PDCL2: variants seen among roughly 807,000 people sequenced by gnomAD.
The protein encoded by PDCL2 is phosducin-like protein 2.
In PDCL2, 23 loss-of-function variants were observed where a neutral mutation model predicts 30.3. The observed-to-expected ratio is 0.76, with a 90% CI of 0.55 to 1.08. The LOEUF (loss-of-function observed/expected upper bound fraction) is 1.08, where lower values mean the gene tolerates loss of function less well. Ranked by LOEUF, PDCL2 falls within the 50% of genes least tolerant of loss-of-function variation. The pLI is 0.00. For synonymous variants in PDCL2, 68 were observed against 86.2 expected (o/e 0.79, Z 1.17); for missense variants, 243 against 282.3 (o/e 0.86, Z 1.00).
chr4:55,584,690 C>T (rs1202627757), intron 1 of PDCL2, among the ~76,000 whole-genome samples: 1 of 152,156 alleles, frequency 6.6e-6, no homozygotes, highest in African/African-American at 2.4e-5. Context: ...CAAACAGCAA[C>T]AATTTCACTA....
intron 1 of PDCL2, 105 bp downstream of exon 1, chr4:55,591,999 A>C: frequency 2.1e-6 from 3 of 1,460,652 alleles, no homozygotes; most frequent in Admixed American, 2.1e-5. Context: ...CAAATGTTAG[A>C]GCCTACCTCC....
intron 1 of PDCL2, among the ~76,000 whole-genome samples, chr4:55,591,230 A>T (rs767304505): frequency 3.9e-5 from 6 of 152,146 alleles, no homozygotes; most frequent in Non-Finnish European, 8.8e-5. Flanking sequence ...AGTGGTTTTA[A>T]TCTGCAGGAG....
intron 5 of PDCL2, among the ~76,000 whole-genome samples, 151 bp from the exon 6 acceptor site, chr4:55,556,862 C>T (rs1248955468): frequency 1.3e-5 from 2 of 151,692 alleles, no homozygotes; most frequent in Non-Finnish European, 2.9e-5. Flanking sequence ...GAGACAGAGT[C>T]TCCCTCTGTC....
At chr4:55,591,917 A>G (rs1312365072) in intron 1 of PDCL2, among the ~76,000 whole-genome samples, 187 bp downstream of exon 1, 1 of 152,230 alleles carries the variant, frequency 6.6e-6, no homozygotes. Context: ...AGGCTGAAAA[A>G]ATGGCGTTCT....
At chr4:55,558,634 C>G (rs1244671062) in intron 5 of PDCL2, among the ~76,000 whole-genome samples, 2 of 152,130 alleles carry the variant, frequency 1.3e-5, no homozygotes, top group Non-Finnish European at 2.9e-5. Flanking sequence ...TATTCAAGAC[C>G]TAAGCTCAAA....
chr4:55,575,092 C>T (rs1377941615), intron 3 of PDCL2, among the ~76,000 whole-genome samples: 1 of 152,188 alleles, frequency 6.6e-6, no homozygotes, highest in Non-Finnish European at 1.5e-5. Context: ...TTGAAGTAGT[C>T]TCCCAATGTG....
At chr4:55,573,809 T>C (rs1458347258) in intron 3 of PDCL2, among the ~76,000 whole-genome samples, 1 of 151,816 alleles carries the variant, frequency 6.6e-6, no homozygotes, top group Non-Finnish European at 1.5e-5. Flanking sequence ...TTTCTCATAA[T>C]AGTAACTTTT....
chr4:55,590,195 T>TTAA (rs1560506869), intron 1 of PDCL2, among the ~76,000 whole-genome samples: 1 of 2,970 alleles, frequency 3.4e-4, no homozygotes, highest in African/African-American at 6.7e-4. Flanking sequence ...AGGCTCTGTC[T>TTAA]CAAAAAAAAA....
At position 55,582,139 on chromosome 4, in the gene PDCL2, TA is replaced by T; in HGVS notation, c.104del (p.Leu35TyrfsTer9). ...TACCCATTGCTTCTTTCTGTAAACG[TA>T]AAACCATTTCTTCAATTTCATCTTT... ...ESKDEIEEMV[L>X]RLQKEAMVKP... is the part of the protein sequence containing the mutation. On this transcript the variant is annotated frameshift_variant, in exon 2 of 6. Transcript: ENST00000295645. LOFTEE classifies it high-confidence loss of function. 6.2e-7 allele frequency: 1 copy of T among 1,613,284 alleles called. No homozygotes were observed. Among genetic ancestry groups the T allele is most frequent in the Non-Finnish European group, 8.5e-7 (1 of 1,179,722 alleles).
chr4:55,582,966 C>CTTTTA (rs938980941), intron 1 of PDCL2, among the ~76,000 whole-genome samples: 2 of 151,854 alleles, frequency 1.3e-5, no homozygotes, highest in African/African-American at 2.4e-5. Flanking sequence ...ATAGTATTCC[C>CTTTTA]TTTTATTTTA....
intron 4 of PDCL2, among the ~76,000 whole-genome samples, chr4:55,567,591 C>G (rs960286370): frequency 6.6e-6 from 1 of 152,170 alleles, no homozygotes; most frequent in Non-Finnish European, 1.5e-5. Context: ...GTATTCATCT[C>G]TTGAAACTGC....
At chr4:55,558,181 G>T (rs1732028890) in intron 5 of PDCL2, among the ~76,000 whole-genome samples, 1 of 151,306 alleles carries the variant, frequency 6.6e-6, no homozygotes, top group African/African-American at 2.4e-5. Flanking sequence ...TGAAACAATT[G>T]CATTTTCTTA....
chr4:55,574,247 G>A lies in PDCL2; in HGVS notation c.219-4386C>T, dbSNP rs369810331. Among the ~76,000 whole-genome samples, 201 of 152,144 alleles carry A rather than the reference G, an allele frequency of 1.3e-3. 3 individuals are homozygous for A. In the South Asian group the frequency reaches 0.039, roughly 30 times the overall value. On this transcript the variant is annotated intron_variant, in intron 3 of 5. Transcript: ENST00000295645. ...TAAAAGAATTTCTATTTATGGTATC[G>A]CTCTTTAATCTCTGTGGTAGAGACA...
chr4:55,562,312 A>T, intron 5 of PDCL2, 92 bp downstream of exon 5: 1 of 800,738 alleles, frequency 1.2e-6, no homozygotes, highest in Non-Finnish European at 1.8e-6. Context: ...CAAGGAAAAA[A>T]CCTTGGTACT....
chr4:55,562,469 T>C lies in PDCL2; in HGVS notation c.506A>G (p.Asn169Ser), dbSNP rs1275285047. 1.9e-5 allele frequency: 30 copies of C among 1,550,488 alleles called. No individual in the cohort carries two copies. The highest frequency in any genetic ancestry group is 2.2e-5 in the Non-Finnish European group (25 of 1,149,196). The change falls in exon 5 of 6, where the codon AAT (asparagine) becomes AGT (serine). Residue 169 changes from asparagine to serine, a missense_variant. Physicochemically the swap from Asn to Ser is conservative, Grantham distance 46 (BLOSUM62 1). Transcript: ENST00000295645. The part of the protein sequence containing the change: ...NCLPTIFVYK[N>S]GQIEAKFIGI... The stretch of plus-strand genomic sequence containing the variant: ...AATGAATTTGGCTTCTATCTGACCA[T>C]TTTTATACACAAAAATTGTTGGTAA...
intron 3 of PDCL2, among the ~76,000 whole-genome samples, chr4:55,572,904 C>T (rs372195451): frequency 7.6e-4 from 115 of 152,162 alleles, no homozygotes; most frequent in African/African-American, 2.7e-3. Flanking sequence ...GGACTACAGG[C>T]GCCCGCCATC....
At chr4:55,566,148 T>C (rs1442163130) in intron 4 of PDCL2, among the ~76,000 whole-genome samples, 1 of 151,658 alleles carries the variant, frequency 6.6e-6, no homozygotes, top group African/African-American at 2.4e-5. Context: ...CCCGGCTAAT[T>C]TTTTTGTACT....
chr4:55,585,535 C>T (rs577414966), intron 1 of PDCL2, among the ~76,000 whole-genome samples: 1 of 152,016 alleles, frequency 6.6e-6, no homozygotes, highest in South Asian at 2.1e-4. Context: ...CACACACACA[C>T]ACACACAGAC....
chr4:55,564,020 C>T (rs1732200498), intron 4 of PDCL2, among the ~76,000 whole-genome samples: 1 of 152,210 alleles, frequency 6.6e-6, no homozygotes, highest in Non-Finnish European at 1.5e-5. Flanking sequence ...ATCCCCTCCA[C>T]AAAAGACAGC....
Sources: allele counts gnomAD v4.1 joint callset (sites outside exome capture counted in the v4.1 genomes callset), GRCh38; gene constraint gnomAD v4.1.1; transcripts MANE v1.5; gene names NCBI Gene and HGNC (gene_info 2026-07-23, HGNC 2026-07-21).